Variants in FSHR observed in about 807,000 individuals in gnomAD.
FSHR encodes follicle stimulating hormone receptor, also known as follicle-stimulating hormone receptor.
FSHR carries 46 observed loss-of-function variants against 52.1 expected under a neutral mutation model. The ratio of observed to expected loss-of-function variants is 0.88; its 90% CI spans 0.70 to 1.13. FSHR has a LOEUF of 1.13. Among genes scored for constraint, FSHR ranks in the 50% most tolerant of loss-of-function variants. The pLI, the probability that FSHR is intolerant of heterozygous loss-of-function variation, is 0.00. For missense variants in FSHR, 964 were observed against 834.6 expected (o/e 1.16, Z -1.91); for synonymous variants, 399 against 309.6 (o/e 1.29, Z -3.03).
At chr2:49,116,051 T>G (rs2103766052) in intron 1 of FSHR, among the ~76,000 whole-genome samples, 1 of 152,214 alleles carries the variant, frequency 6.6e-6, no homozygotes, top group Non-Finnish European at 1.5e-5. Flanking sequence ...CTATTTTGGG[T>G]AAGCAAACCT....
At chr2:49,059,682 C>G (rs915420298) in intron 2 of FSHR, 1 of 152,356 alleles carries the variant, frequency 6.6e-6, no homozygotes, top group African/African-American at 2.4e-5. Flanking sequence ...CAGATGCCCC[C>G]TTTCACCTCT....
chr2:49,153,280 G>T (rs1673127647), intron 1 of FSHR, among the ~76,000 whole-genome samples: 1 of 152,160 alleles, frequency 6.6e-6, no homozygotes, highest in African/African-American at 2.4e-5. Flanking sequence ...ACAGGCTTCT[G>T]TTTAAAATCC....
At chr2:49,087,019 G>A (rs1274848529) in intron 1 of FSHR, among the ~76,000 whole-genome samples, 1 of 146,756 alleles carries the variant, frequency 6.8e-6, no homozygotes, top group African/African-American at 2.5e-5. Flanking sequence ...ATAGCATAAA[G>A]AGCCAGCAGC....
At chr2:49,049,632 C>T (rs17038169) in intron 2 of FSHR, among the ~76,000 whole-genome samples, 20,930 of 151,984 alleles carry the variant, frequency 0.14, 1,444 homozygotes, top group Middle Eastern at 0.21. Context: ...AGTGGGCCTC[C>T]TGCCTGTATT....
At chr2:49,000,139 C>T (rs1341058015) in intron 4 of FSHR, among the ~76,000 whole-genome samples, 3 of 152,078 alleles carry the variant, frequency 2.0e-5, no homozygotes. Flanking sequence ...TACTCTCCAC[C>T]ACCAAGTTTG....
chr2:48,981,916 G>A (rs1372414752), intron 8 of FSHR, among the ~76,000 whole-genome samples: 1 of 152,158 alleles, frequency 6.6e-6, no homozygotes, highest in South Asian at 2.1e-4. Context: ...ACTTAAGGCA[G>A]GCTACATAAG....
chr2:49,086,297 G>T (rs1670390112), intron 1 of FSHR, among the ~76,000 whole-genome samples: 1 of 152,096 alleles, frequency 6.6e-6, no homozygotes, highest in Non-Finnish European at 1.5e-5. Context: ...ATCTAAAATT[G>T]CAGATTTATG....
At chr2:48,977,692 A>T (rs142379356) in intron 8 of FSHR, among the ~76,000 whole-genome samples, 2 of 152,322 alleles carry the variant, frequency 1.3e-5, no homozygotes, top group East Asian at 3.9e-4. Context: ...GGCCAGATGC[A>T]TTACAGTAGG....
intron 2 of FSHR, among the ~76,000 whole-genome samples, chr2:49,023,855 G>A (rs72827271): frequency 0.013 from 2,036 of 152,192 alleles, 20 homozygotes; most frequent in East Asian, 0.047. Context: ...AGGTACTGGG[G>A]GTTATCAAGG....
At chr2:48,993,297 TC>T (rs1559111816) in intron 4 of FSHR, among the ~76,000 whole-genome samples, 2 of 152,216 alleles carry the variant, frequency 1.3e-5, no homozygotes, top group East Asian at 3.9e-4. Flanking sequence ...CTAAACTTGT[TC>T]CCCCCATTAT....
At chr2:49,128,082 A>G (rs1672130400) in intron 1 of FSHR, among the ~76,000 whole-genome samples, 1 of 151,472 alleles carries the variant, frequency 6.6e-6, no homozygotes. Flanking sequence ...GGGTTTCACC[A>G]TGTTGGCCAG....
At chr2:48,989,849 G>A (rs745645407) in intron 5 of FSHR, among the ~76,000 whole-genome samples, 2 of 152,098 alleles carry the variant, frequency 1.3e-5, no homozygotes, top group Non-Finnish European at 2.9e-5. Context: ...AACCTTCCCT[G>A]TTAGGTCTGA....
intron 4 of FSHR, among the ~76,000 whole-genome samples, chr2:49,008,042 T>C (rs927778172): frequency 6.6e-6 from 1 of 151,804 alleles, no homozygotes; most frequent in Non-Finnish European, 1.5e-5. Context: ...TTATTTTTAT[T>C]ATACTTTAAG....
At chr2:49,052,590 A>G (rs1668906898) in intron 2 of FSHR, among the ~76,000 whole-genome samples, 1 of 152,222 alleles carries the variant, frequency 6.6e-6, no homozygotes, top group Non-Finnish European at 1.5e-5. Context: ...GTGCAGTCTA[A>G]GAAGAGAACC....
chr2:49,037,037 G>A (rs1050970596), intron 2 of FSHR, among the ~76,000 whole-genome samples: 20 of 152,136 alleles, frequency 1.3e-4, no homozygotes, highest in African/African-American at 4.8e-4. Flanking sequence ...GGGAACATGA[G>A]CCCAAGTTCC....
intron 1 of FSHR, among the ~76,000 whole-genome samples, chr2:49,142,774 G>A (rs1228429607): frequency 2.0e-5 from 3 of 152,136 alleles, no homozygotes; most frequent in African/African-American, 2.4e-5. Context: ...AGTGGTGGTA[G>A]GGGAGATACG....
intron 4 of FSHR, among the ~76,000 whole-genome samples, chr2:49,010,483 A>C (rs1667229282): frequency 6.6e-6 from 1 of 152,130 alleles, no homozygotes; most frequent in East Asian, 1.9e-4. Context: ...ATTGGTCTAA[A>C]ATTCTCTTTT....
chr2:49,143,895 G>T (rs1672778611), intron 1 of FSHR, among the ~76,000 whole-genome samples: 1 of 152,086 alleles, frequency 6.6e-6, no homozygotes, highest in Admixed American at 6.6e-5. Context: ...TCTAGGAGTG[G>T]GGCAGGGGTG....
chr2:49,016,107 C>G (rs1239112230), intron 4 of FSHR, among the ~76,000 whole-genome samples: 1 of 152,138 alleles, frequency 6.6e-6, no homozygotes, highest in Non-Finnish European at 1.5e-5. Context: ...CCCAGTGTTT[C>G]TTATTATACC....
Sources: gnomAD v4.1 joint callset for allele counts (sites outside exome capture counted in the v4.1 genomes callset) on GRCh38, gnomAD v4.1.1 for gene constraint, MANE v1.5 for transcripts, NCBI Gene and HGNC (gene_info 2026-07-23, HGNC 2026-07-21) for gene names.